IQCM: variants seen among roughly 807,000 people sequenced by gnomAD.
IQCM encodes IQ motif containing M, also known as IQ domain-containing protein M.
A neutral mutation model predicts 57.6 loss-of-function variants in IQCM; 45 were observed. That is an observed-to-expected ratio of 0.78 (90% CI 0.62 to 1.00). IQCM has a LOEUF of 1.00. Ranked by LOEUF, IQCM falls within the 50% of genes least tolerant of loss-of-function variation. The pLI is 0.00. For synonymous variants in IQCM, 148 were observed against 158.9 expected, an observed-to-expected ratio of 0.93 and a Z score of 0.51; for missense variants, 468 against 511.6, an observed-to-expected ratio of 0.91 and a Z score of 0.82.
intron 2 of IQCM, among the ~76,000 whole-genome samples, chr4:149,755,870 C>T (rs150649211): frequency 3.3e-5 from 5 of 152,022 alleles, no homozygotes; most frequent in Admixed American, 6.6e-5. Flanking sequence ...CCTAAATACC[C>T]GCCATGCAAT....
At chr4:149,621,574 A>G (rs1175114080) in intron 7 of IQCM, among the ~76,000 whole-genome samples, 1 of 152,202 alleles carries the variant, frequency 6.6e-6, no homozygotes, top group African/African-American at 2.4e-5. Context: ...GCTTAAAGGA[A>G]AATCATGTTT....
intron 13 of IQCM, among the ~76,000 whole-genome samples, chr4:149,369,175 G>T (rs1399127166): frequency 6.6e-6 from 1 of 150,836 alleles, no homozygotes; most frequent in Non-Finnish European, 1.5e-5. Flanking sequence ...CTCCCGAGTA[G>T]CTGGGATTAT....
intron 2 of IQCM, among the ~76,000 whole-genome samples, chr4:149,766,670 T>G (rs1271204390): frequency 1.3e-5 from 2 of 152,156 alleles, no homozygotes; most frequent in Non-Finnish European, 2.9e-5. Flanking sequence ...TTGTTAACAT[T>G]TCTATTATTG....
At chr4:149,722,591 T>C (rs1765544469) in intron 5 of IQCM, among the ~76,000 whole-genome samples, 3 of 152,052 alleles carry the variant, frequency 2.0e-5, no homozygotes, top group African/African-American at 7.2e-5. Context: ...AAAGATCAGT[T>C]GGTTATAAAG....
chr4:149,629,294 A>T (rs1388909940), intron 7 of IQCM, among the ~76,000 whole-genome samples: 2 of 152,220 alleles, frequency 1.3e-5, no homozygotes, highest in Non-Finnish European at 2.9e-5. Flanking sequence ...TGAGCTTTCA[A>T]ACTGAATCCT....
rs575096152 is a variant in IQCM, at chr4:149,534,847, C to T, written c.1228+13608G>A. Among the ~76,000 whole-genome samples, 19 of 152,072 alleles carry T rather than the reference C, an allele frequency of 1.2e-4. No homozygotes were observed. In the South Asian group the frequency reaches 3.9e-3, roughly 32 times the overall value. The stretch of plus-strand genomic sequence containing the variant: ...GGACCAATCATGGCTCTAGAGGTAA[C>T]CTTTTTAAAAAAAGGAAGCTTTTAG... On this transcript the variant is annotated intron_variant, in intron 12 of 13. Transcript: ENST00000636793.
At chr4:149,633,483 C>T (rs1757468581) in intron 7 of IQCM, among the ~76,000 whole-genome samples, 1 of 152,028 alleles carries the variant, frequency 6.6e-6, no homozygotes, top group Admixed American at 6.5e-5. Flanking sequence ...ATTCTGTTTC[C>T]ATTATTACTA....
chr4:149,798,202 A>C (rs538620985), intron 2 of IQCM, among the ~76,000 whole-genome samples: 1 of 152,164 alleles, frequency 6.6e-6, no homozygotes, highest in East Asian at 1.9e-4. Flanking sequence ...TAGGGGGACA[A>C]AGTTAAGGCA....
At chr4:149,785,293 G>C (rs1351581085) in intron 2 of IQCM, among the ~76,000 whole-genome samples, 1 of 152,134 alleles carries the variant, frequency 6.6e-6, no homozygotes, top group Non-Finnish European at 1.5e-5. Context: ...TGAGGCAGCT[G>C]ACTTTATTAG....
At chr4:149,637,825 T>G (rs1757855599) in intron 7 of IQCM, among the ~76,000 whole-genome samples, 1 of 152,168 alleles carries the variant, frequency 6.6e-6, no homozygotes, top group Non-Finnish European at 1.5e-5. Context: ...CAAATCAGTT[T>G]GAGGTGGCTC....
intron 7 of IQCM, among the ~76,000 whole-genome samples, chr4:149,671,975 T>C (rs775649658): frequency 1.3e-5 from 2 of 152,132 alleles, no homozygotes; most frequent in Non-Finnish European, 2.9e-5. Context: ...ATATTTGCTG[T>C]TCTACACCTC....
At chr4:149,776,627 G>A (rs1490389213) in intron 2 of IQCM, among the ~76,000 whole-genome samples, 1 of 152,042 alleles carries the variant, frequency 6.6e-6, no homozygotes, top group East Asian at 1.9e-4. Flanking sequence ...TGTATTTGTG[G>A]ATGAATAAGG....
chr4:149,659,163 G>T (rs1579887069), intron 7 of IQCM, among the ~76,000 whole-genome samples: 1 of 151,584 alleles, frequency 6.6e-6, no homozygotes. Context: ...TTTTTGAAGG[G>T]TTTTTTGTGT....
chr4:149,421,163 T>C (rs1734094331), intron 13 of IQCM, among the ~76,000 whole-genome samples: 1 of 152,116 alleles, frequency 6.6e-6, no homozygotes, highest in Non-Finnish European at 1.5e-5. Flanking sequence ...CATGATTCTT[T>C]TTGTCTCTAC....
chr4:149,727,840 G>C (rs913546293), intron 5 of IQCM, among the ~76,000 whole-genome samples: 1 of 152,216 alleles, frequency 6.6e-6, no homozygotes, highest in African/African-American at 2.4e-5. Flanking sequence ...TGATGAATGA[G>C]AAGTGTTTGA....
intron 12 of IQCM, among the ~76,000 whole-genome samples, chr4:149,466,742 A>G (rs1205216215): frequency 1.3e-5 from 2 of 152,238 alleles, no homozygotes; most frequent in South Asian, 4.1e-4. Context: ...CTGTGACAAC[A>G]AATACCTTGG....
chr4:149,478,607 TTTG>T (rs1740456166), intron 12 of IQCM, among the ~76,000 whole-genome samples: 1 of 152,100 alleles, frequency 6.6e-6, no homozygotes, highest in Admixed American at 6.5e-5. Context: ...GTTATGCAGA[TTTG>T]GACTACCAGG....
intron 5 of IQCM, among the ~76,000 whole-genome samples, chr4:149,719,761 A>G (rs1765293287): frequency 6.6e-6 from 1 of 152,220 alleles, no homozygotes; most frequent in Non-Finnish European, 1.5e-5. Flanking sequence ...ACTGTGGCCA[A>G]GAGAATAATC....
chr4:149,463,447 T>C (rs1399499058), intron 12 of IQCM, among the ~76,000 whole-genome samples: 2 of 152,200 alleles, frequency 1.3e-5, no homozygotes, highest in East Asian at 3.9e-4. Context: ...AGTGTGTTTC[T>C]CTCTCCTGCA....
Sources: allele counts gnomAD v4.1 joint callset (sites outside exome capture counted in the v4.1 genomes callset), GRCh38; gene constraint gnomAD v4.1.1; transcripts MANE v1.5; gene names NCBI Gene and HGNC (gene_info 2026-07-23, HGNC 2026-07-21).